Variants in ZNF568 observed in about 807,000 individuals in gnomAD.
ZNF568 encodes the protein zinc finger protein 568.
ZNF568 carries 11 observed loss-of-function variants against 18.1 expected under a neutral mutation model. The observed-to-expected ratio is 0.61, with a 90% confidence interval of 0.38 to 1.00. The LOEUF is 1.00. ZNF568 is among the 50% of genes least tolerant of loss of function. The pLI is 0.01. For synonymous variants in ZNF568, 213 were observed against 246.6 expected (o/e 0.86, Z 1.28); for missense variants, 639 against 768.2 (o/e 0.83, Z 1.99).
At chr19:36,925,070 C>A (rs1600769013) in intron 3 of ZNF568, 130 bp from the exon 4 acceptor site, 6 of 719,230 alleles carry the variant, frequency 8.3e-6, no homozygotes, top group Non-Finnish European at 1.5e-5. Context: ...AGCTAGATGG[C>A]AGTTAACATT....
At chr19:36,974,333 TG>T in intron 6 of ZNF568, 1 of 1,163,784 alleles carries the variant, frequency 8.6e-7, no homozygotes, top group African/African-American at 1.5e-5. Context: ...TTTCAGTGCC[TG>T]GGGTGGGGCA....
chr19:36,981,831 G>A (rs1000239526), downstream of ZNF568, among the ~76,000 whole-genome samples: 1 of 151,802 alleles, frequency 6.6e-6, no homozygotes, highest in African/African-American at 2.4e-5. Context: ...CTATGATTAT[G>A]CCACTACACT....
intron 4 of ZNF568, among the ~76,000 whole-genome samples, chr19:36,926,797 G>A (rs1402941336): frequency 6.6e-6 from 1 of 151,778 alleles, no homozygotes; most frequent in African/African-American, 2.4e-5. Flanking sequence ...CGTCTATGAA[G>A]TACATATTAT....
chr19:36,922,653 C>A lies in ZNF568; in HGVS notation c.-118C>A. The A allele has an allele frequency of 1.4e-6, 1 of 696,932 alleles. No individual in the cohort carries two copies. The highest frequency in any genetic ancestry group is 1.8e-5 in the African/African-American group (1 of 56,344). The allele number at this position is 696,932 out of a possible 1,614,324, so 43.2% of individuals were successfully genotyped here. On this transcript the variant is annotated 5_prime_UTR_variant, in exon 3 of 7. Coordinates refer to ENST00000333987, the MANE Select transcript of ZNF568 (RefSeq NM_198539.4). ...GAAGTCTGAGGAACAGGTGTCTTAT[C>A]ATGGAAGGAGACCTGACCTGAGACC...
chr19:36,997,721 G>A (rs3745769), downstream of ZNF568: 2,036 of 758,734 alleles, frequency 2.7e-3, 61 homozygotes, highest in East Asian at 0.05. Context: ...AGTGAATGAA[G>A]AAATGAGGGA....
intron 7 of ZNF568, among the ~76,000 whole-genome samples, chr19:36,977,459 C>G (rs1274592170): frequency 6.6e-6 from 1 of 152,116 alleles, no homozygotes; most frequent in East Asian, 1.9e-4. Flanking sequence ...GGATGTAGCA[C>G]TTACTTCATT....
intron 6 of ZNF568, among the ~76,000 whole-genome samples, chr19:36,944,221 A>C (rs1440456210): frequency 1.3e-5 from 2 of 151,942 alleles, no homozygotes; most frequent in Non-Finnish European, 2.9e-5. Context: ...CAACATGGAG[A>C]AACCCCGTCT....
rs3053253 is a variant in ZNF568 at position 36,974,826 on chromosome 19, A to ATTTTT, written c.405+374_405+378dup. Among the ~76,000 whole-genome samples, 415 of 132,270 alleles carry ATTTTT rather than the reference A, an allele frequency of 3.1e-3. 12 individuals are homozygous for ATTTTT. The highest frequency in any genetic ancestry group is 6.2e-3 in the African/African-American group (217 of 34,796). The allele number at this position is 132,270 out of a possible 152,430, so 86.8% of individuals were successfully genotyped here. On this transcript the variant is annotated intron_variant, in intron 7 of 7. Transcript: ENST00000427117. ...TATGCAATAGCCTTTTTGCTTACCA[A>ATTTTT]TTTTTTTTTTTTTTTTTTGAGACAG...
intron 6 of ZNF568, among the ~76,000 whole-genome samples, chr19:36,958,422 T>A (rs2074123003): frequency 6.6e-6 from 1 of 151,992 alleles, no homozygotes; most frequent in Admixed American, 6.6e-5. Flanking sequence ...GGTTAATAGT[T>A]ATTGATTCCA....
chr19:36,949,411 A>G lies in ZNF568; in HGVS notation c.359-101A>G. On this transcript the variant is annotated intron_variant, in intron 6 of 6. Transcript: ENST00000333987. The stretch of plus-strand genomic sequence containing the variant: ...TCTTTTGTATTGGTTGACTAGGCCA[A>G]CATCAAAGATTAAACCCCACATTAG... 4.8e-6 allele frequency: 6 copies of G among 1,249,152 alleles called. No individual in the cohort carries two copies. In the East Asian group the frequency reaches 7.6e-5, roughly 16 times the overall value. 77.4% of individuals were successfully genotyped at this position (1,249,152 alleles called of 1,614,324 possible). A position where few individuals can be genotyped will look rare whatever the true frequency, so the allele number is the denominator to read the frequency against.
intron 2 of ZNF568, among the ~76,000 whole-genome samples, chr19:36,920,399 G>T (rs1252046426): frequency 6.6e-6 from 1 of 152,008 alleles, no homozygotes; most frequent in Non-Finnish European, 1.5e-5. Flanking sequence ...GAGGCGGGTG[G>T]ATTACAGGAG....
rs1413936147 is a variant in ZNF568, at chr19:36,951,105, T to G, written c.*17T>G. ...GTATATTAAATGAAAGAAGGCCTCT[T>G]AAATTCAACCCATGTTTTACTTAAA... On this transcript the variant is annotated 3_prime_UTR_variant, in exon 7 of 7. Transcript: ENST00000333987. 3.4e-6 allele frequency: 5 copies of G among 1,491,742 alleles called. No individual in the cohort carries two copies. Among genetic ancestry groups the G allele is most frequent in the Non-Finnish European group, 4.4e-6 (5 of 1,124,880 alleles). The allele number at this position is 1,491,742 out of a possible 1,614,324, so 92.4% of individuals were successfully genotyped here. A position where few individuals can be genotyped will look rare whatever the true frequency, so the allele number is the denominator to read the frequency against.
intron 6 of ZNF568, among the ~76,000 whole-genome samples, chr19:36,969,323 T>TTACC (rs1239877911): frequency 6.6e-6 from 1 of 152,170 alleles, no homozygotes; most frequent in Non-Finnish European, 1.5e-5. Flanking sequence ...CTCTGATTCG[T>TTACC]TACCATAAGA....
At chr19:36,974,514 G>A (rs1294855701) in intron 7 of ZNF568, 1 of 1,489,214 alleles carries the variant, frequency 6.7e-7, no homozygotes. Context: ...TGGTTTTCAG[G>A]ACAGTGTCCT....
intron 2 of ZNF568, among the ~76,000 whole-genome samples, chr19:36,919,753 T>G (rs530623180): frequency 6.6e-6 from 1 of 152,178 alleles, no homozygotes; most frequent in East Asian, 1.9e-4. Context: ...GCTGAAAAAT[T>G]CCTGTCACCT....
At chr19:36,921,490 G>A (rs1245858913) in intron 2 of ZNF568, among the ~76,000 whole-genome samples, 6 of 151,804 alleles carry the variant, frequency 4.0e-5, no homozygotes, top group Non-Finnish European at 8.8e-5. Context: ...AGTGATCACT[G>A]TCATGAAAAA....
intron 6 of ZNF568, among the ~76,000 whole-genome samples, chr19:36,947,437 G>A (rs2073986338): frequency 6.6e-6 from 1 of 152,110 alleles, no homozygotes; most frequent in Admixed American, 6.5e-5. Flanking sequence ...AGGGATTGTT[G>A]ATCTCATTCA....
At chr19:36,969,524 A>C (rs925571073) in intron 6 of ZNF568, among the ~76,000 whole-genome samples, 11 of 152,132 alleles carry the variant, frequency 7.2e-5, no homozygotes, top group Non-Finnish European at 1.5e-4. Flanking sequence ...GTGTGAAATG[A>C]GTCCTGTGGG....
chr19:36,955,500 T>C (rs1450862472), downstream of ZNF568, among the ~76,000 whole-genome samples: 1 of 152,154 alleles, frequency 6.6e-6, no homozygotes, highest in African/African-American at 2.4e-5. Flanking sequence ...GCAGATGATC[T>C]GGTCTCTGTA....
Sources: allele counts gnomAD v4.1 joint callset (sites outside exome capture counted in the v4.1 genomes callset), GRCh38; gene constraint gnomAD v4.1.1; transcripts MANE v1.5; gene names NCBI Gene and HGNC (gene_info 2026-07-23, HGNC 2026-07-21).